TRIP13: variants seen among roughly 807,000 people sequenced by gnomAD.
TRIP13 encodes pachytene checkpoint protein 2 homolog.
TRIP13 carries 25 observed loss-of-function variants against 54.4 expected under a neutral mutation model. That is an observed-to-expected ratio of 0.46 (90% confidence interval 0.33 to 0.64). The LOEUF (loss-of-function observed/expected upper bound fraction) is 0.64, where lower values mean the gene tolerates loss of function less well. Ranked by LOEUF, TRIP13 falls within the 30% of genes least tolerant of loss-of-function variation. The pLI is 0.02. For missense variants in TRIP13, 373 were observed against 534.2 expected (o/e 0.70, Z 2.97); for synonymous variants, 207 against 207.8 (o/e 1.00, Z 0.03).
chr5:908,060 G>A lies in TRIP13; in HGVS notation c.745G>A (p.Val249Met), dbSNP rs370247932. The change falls in exon 8 of 13, where the codon GTG (valine) becomes ATG (methionine). Residue 249 changes from valine (V) to methionine (M), a missense_variant. Physicochemically the swap from Val to Met is conservative, Grantham distance 21. Coordinates refer to ENST00000166345, the MANE Select transcript of TRIP13 (RefSeq NM_004237.4). The surrounding 1 kb of genome is among the most constrained non-coding windows in gnomAD (Gnocchi z 5.2). Reference protein sequence around the residue: ...LIDDKDALVFVLIDEVESLTA... With the variant: ...LIDDKDALVFMLIDEVESLTA... ...TGATGATAAAGACGCCCTGGTGTTC[G>A]TGCTGATTGATGAGGTAGGCATTTC... 6.8e-6 allele frequency: 11 copies of A among 1,614,060 alleles called. No homozygotes were observed. In the African/African-American group the frequency reaches 8.0e-5, roughly 12 times the overall value.
At chr5:903,136 C>T (rs913243497) in intron 5 of TRIP13, among the ~76,000 whole-genome samples, 11 of 151,950 alleles carry the variant, frequency 7.2e-5, no homozygotes, top group Non-Finnish European at 1.0e-4. Flanking sequence ...CTAAACTCCC[C>T]GGGGGAAAGG....
chr5:906,905 C>G (rs770007084), intron 6 of TRIP13, among the ~76,000 whole-genome samples: 3 of 152,102 alleles, frequency 2.0e-5, no homozygotes, highest in Non-Finnish European at 2.9e-5. Flanking sequence ...GGAGTTTTTA[C>G]TCTTTAACTC....
intron 6 of TRIP13, 138 bp downstream of exon 6, chr5:904,358 A>C: frequency 1.5e-6 from 1 of 687,844 alleles, no homozygotes; most frequent in Non-Finnish European, 2.3e-6. Flanking sequence ...CTCTGTATTC[A>C]GCATAGTTTT....
Position 901,355 on chromosome 5 carries a change from G to A in TRIP13, c.459G>A (p.Val153=), listed in dbSNP as rs1375205065. The A allele has an allele frequency of 6.2e-7, 1 of 1,614,074 alleles. No individual in the cohort carries two copies. The highest frequency in any genetic ancestry group is 1.1e-5 in the South Asian group (1 of 91,054). Residue 153 remains valine (V), a synonymous_variant, in exon 5 of 13, where the codon GTG becomes GTA. Coordinates refer to ENST00000166345, the MANE Select transcript of TRIP13 (RefSeq NM_004237.4). ...VEVKSHLLDY[V]MTTLLFSDKN... The stretch of plus-strand genomic sequence containing the variant: ...TTCTCTATCAGCTCCTCGATTATGT[G>A]ATGACAACTTTACTGTTTTCAGACA...
rs1754223218 is a variant in TRIP13 at position 911,169 on chromosome 5, G to A, written c.867-674G>A. 6.6e-6 allele frequency among the ~76,000 whole-genome samples: 1 copy of A among 152,224 alleles called. No individual in the cohort carries two copies. Among genetic ancestry groups the A allele is most frequent in the African/African-American group, 2.4e-5 (1 of 41,466 alleles). The stretch of plus-strand genomic sequence containing the variant: ...GGAGAGCAGATCATGAACATGGGAA[G>A]TAACCCAGCTCTAGAGTATGTCTAG... On this transcript the variant is annotated intron_variant, in intron 9 of 12. Coordinates refer to ENST00000166345, the MANE Select transcript of TRIP13 (RefSeq NM_004237.4). The surrounding 1 kb of genome is among the most constrained non-coding windows in gnomAD (Gnocchi z 4.7).
At position 917,035 on chromosome 5, in the gene TRIP13, C is replaced by T; in HGVS notation, c.1231C>T (p.Leu411Phe). Residue 411 changes from leucine to phenylalanine, a missense_variant, in exon 13 of 13, where the codon CTC (leucine) becomes TTC (phenylalanine). By Grantham distance (22) the Leu-to-Phe change is conservative. Transcript: ENST00000166345. ...QAPTVTIEGF[L>F]QALSLAVDKQ... ...CCCCACCGTCACCATAGAGGGGTTC[C>T]TCCAGGCCCTGTCTCTGGCAGTGGA... 1 of 1,614,176 alleles carries T rather than the reference C, an allele frequency of 6.2e-7. No homozygotes were observed. Among genetic ancestry groups the T allele is most frequent in the Non-Finnish European group, 8.5e-7 (1 of 1,180,044 alleles).
At chr5:904,783 T>C (rs1246986284) in intron 6 of TRIP13, among the ~76,000 whole-genome samples, 2 of 152,244 alleles carry the variant, frequency 1.3e-5, no homozygotes, top group African/African-American at 2.4e-5. Context: ...TTTAATTCCA[T>C]TCAGTGAAGT....
intron 1 of TRIP13, among the ~76,000 whole-genome samples, chr5:894,275 C>G (rs1753831779): frequency 6.6e-6 from 1 of 152,038 alleles, no homozygotes; most frequent in African/African-American, 2.4e-5. Context: ...GGGACCAGGT[C>G]ACTGTTGTAG....
rs139907214 is a variant in TRIP13 at position 894,916 on chromosome 5, T to A, written c.222T>A (p.Ser74=). The A allele has an allele frequency of 9.9e-6, 16 of 1,612,646 alleles. No homozygotes were observed. The highest frequency in any genetic ancestry group is 1.4e-5 in the Non-Finnish European group (16 of 1,179,738). ...TGACCAGAAATGTGCAGTCTGTGTC[T>A]ATTATTGACACAGAATTAAAGGTTA... ...PFLTRNVQSV[S]IIDTELKVKD... Residue 74 remains serine (S), a synonymous_variant, in exon 2 of 13, where the codon TCT becomes TCA. Coordinates refer to ENST00000166345, the MANE Select transcript of TRIP13 (RefSeq NM_004237.4).
chr5:910,821 C>G (rs1165839328), intron 9 of TRIP13, among the ~76,000 whole-genome samples: 1 of 152,336 alleles, frequency 6.6e-6, no homozygotes, highest in Non-Finnish European at 1.5e-5. Flanking sequence ...TGGTGCTGGA[C>G]TGAGCAGCTG....
At chr5:893,761 C>G (rs1753782647) in intron 1 of TRIP13, 2 of 154,816 alleles carry the variant, frequency 1.3e-5, no homozygotes, top group South Asian at 4.0e-4. Context: ...AGGAAGAGAC[C>G]TTTCCTTTAA....
At chr5:895,042 C>A in intron 2 of TRIP13, 90 bp downstream of exon 2, 1 of 1,373,788 alleles carries the variant, frequency 7.3e-7, no homozygotes, top group Non-Finnish European at 9.8e-7. Flanking sequence ...AGCCTGTTGT[C>A]AGAAACAGGT....
Position 913,735 on chromosome 5 carries a change from G to A in TRIP13, c.1021-730G>A, listed in dbSNP as rs1013495408. Reference sequence around the variant, plus strand: ...TCACAGTGGATATTGAACTGGTCTCGAAAGCTCAATATCCCCCAAAGCACA... The same window carrying A: ...TCACAGTGGATATTGAACTGGTCTCAAAAGCTCAATATCCCCCAAAGCACA... On this transcript the variant is annotated intron_variant, in intron 10 of 12. Coordinates refer to ENST00000166345, the MANE Select transcript of TRIP13 (RefSeq NM_004237.4). This position sits in a 1 kb window ranked among gnomAD's most constrained non-coding sequence, Gnocchi z 4.5. Among the ~76,000 whole-genome samples, 9 of 152,116 alleles carry A rather than the reference G, an allele frequency of 5.9e-5. No individual in the cohort carries two copies. Among genetic ancestry groups the A allele is most frequent in the Admixed American group, 2.6e-4 (4 of 15,272 alleles).
chr5:895,878 C>G (rs1313444696), intron 2 of TRIP13, among the ~76,000 whole-genome samples: 4 of 152,218 alleles, frequency 2.6e-5, no homozygotes, highest in African/African-American at 9.6e-5. Flanking sequence ...AATATTTTAA[C>G]TGTCCACCAG....
chr5:903,501 A>C (rs1046836707), intron 5 of TRIP13, among the ~76,000 whole-genome samples: 18 of 152,036 alleles, frequency 1.2e-4, no homozygotes, highest in African/African-American at 4.4e-4. Flanking sequence ...AATTATTCTT[A>C]TTTTATTTAT....
intron 3 of TRIP13, among the ~76,000 whole-genome samples, chr5:900,161 A>G (rs1030420711): frequency 6.6e-6 from 1 of 152,272 alleles, no homozygotes; most frequent in Non-Finnish European, 1.5e-5. Flanking sequence ...TGGAAAATAA[A>G]TGACAACAAT....
At chr5:914,247 T>C (rs1252387504) in intron 10 of TRIP13, among the ~76,000 whole-genome samples, 1 of 152,152 alleles carries the variant, frequency 6.6e-6, no homozygotes, top group Admixed American at 6.5e-5. Flanking sequence ...GTTCCGTTAT[T>C]TGTATTTGTT....
intron 2 of TRIP13, among the ~76,000 whole-genome samples, 191 bp downstream of exon 2, chr5:895,143 G>A (rs1228139173): frequency 1.3e-5 from 2 of 152,168 alleles, no homozygotes; most frequent in South Asian, 2.1e-4. Context: ...CCCTGATGTC[G>A]GGGTGCTCTC....
At chr5:905,879 G>A (rs1052702863) in intron 6 of TRIP13, among the ~76,000 whole-genome samples, 1 of 152,204 alleles carries the variant, frequency 6.6e-6, no homozygotes, top group African/African-American at 2.4e-5. Context: ...TTAGCAACTT[G>A]CCCTTTGCTT....
Sources: gnomAD v4.1 joint callset for allele counts (sites outside exome capture counted in the v4.1 genomes callset) on GRCh38, gnomAD v4.1.1 for gene constraint, Gnocchi (gnomAD v3.1) non-coding constraint, MANE v1.5 for transcripts, NCBI Gene and HGNC (gene_info 2026-07-23, HGNC 2026-07-21) for gene names.